TBL1X: variants seen among roughly 807,000 people sequenced by gnomAD.
The protein encoded by TBL1X is F-box-like/WD repeat-containing protein TBL1X.
TBL1X carries 10 observed loss-of-function variants against 50.7 expected under a neutral mutation model. The ratio of observed to expected loss-of-function variants is 0.20; its 90% confidence interval spans 0.12 to 0.33. The LOEUF is 0.33. Among genes scored for constraint, TBL1X ranks in the 10% least tolerant of loss-of-function variants. The probability of loss-of-function intolerance (pLI) is 1.00; values close to 1 mark genes in which losing one functional copy is unlikely to be tolerated. For synonymous variants in TBL1X, 190 were observed against 214.7 expected (o/e 0.88, Z 1.01); for missense variants, 340 against 504.4 (o/e 0.67, Z 3.12).
chrX:9,507,754 G>A (rs1249978828), intron 2 of TBL1X, among the ~76,000 whole-genome samples: 2 of 111,462 alleles, frequency 1.8e-5, no homozygotes, highest in Non-Finnish European at 3.8e-5. Context: ...ATATAGACCA[G>A]TGGACCAGAA....
intron 5 of TBL1X, among the ~76,000 whole-genome samples, chrX:9,655,805 G>T (rs1275122526): frequency 4.5e-5 from 5 of 111,994 alleles, no homozygotes; most frequent in African/African-American, 1.6e-4. Flanking sequence ...TAGACTGTAC[G>T]CATTGGAGCC....
intron 2 of TBL1X, among the ~76,000 whole-genome samples, chrX:9,572,316 T>G (rs1241647487): frequency 8.9e-6 from 1 of 112,544 alleles, no homozygotes. Context: ...GGCAGTGGGG[T>G]CTCTTCTGCT....
chrX:9,688,203 G>A lies in TBL1X; in HGVS notation c.544G>A (p.Val182Ile), dbSNP rs200562052. The A allele has an allele frequency of 2.6e-5, 31 of 1,198,124 alleles. No homozygotes were observed. Among genetic ancestry groups the A allele is most frequent in the African/African-American group, 8.8e-5 (5 of 57,003 alleles). ...AGCAGCCACCACGACCTCAGCCGGCGTTTCCCACCAAAATCCATCGAAGAA... is the reference window on the plus strand; with the variant it reads ...AGCAGCCACCACGACCTCAGCCGGCATTTCCCACCAAAATCCATCGAAGAA... ...ATAATTTSAGVSHQNPSKNRE... is the reference protein window; with the variant it reads ...ATAATTTSAGISHQNPSKNRE... Residue 182 changes from valine to isoleucine, a missense_variant, in exon 7 of 18, where the codon GTT (valine) becomes ATT (isoleucine). This residue lies in a region of TBL1X where 99 missense variants were observed against 93.3 expected (regional missense o/e 1.06). Transcript: ENST00000645353.
intron 2 of TBL1X, chrX:9,637,318 T>C (rs1365495397): frequency 1.8e-5 from 2 of 111,832 alleles, no homozygotes; most frequent in East Asian, 2.8e-4. Flanking sequence ...CCAATATCCA[T>C]GTGAAAAGGC....
chrX:9,555,976 C>T (rs920391300), intron 2 of TBL1X, among the ~76,000 whole-genome samples: 7 of 109,967 alleles, frequency 6.4e-5, no homozygotes, highest in African/African-American at 2.3e-4. Context: ...TCACTTGATC[C>T]CAGGAGTTTG....
intron 2 of TBL1X, among the ~76,000 whole-genome samples, chrX:9,581,367 G>T (rs1439803290): frequency 1.8e-5 from 2 of 111,810 alleles, no homozygotes; most frequent in South Asian, 3.8e-4. Context: ...ATGGTAGGGG[G>T]AAGAGTTCAC....
At chrX:9,714,208 T>C (rs1040191970) in intron 16 of TBL1X, among the ~76,000 whole-genome samples, 7 of 112,465 alleles carry the variant, frequency 6.2e-5, no homozygotes, top group African/African-American at 1.9e-4. Flanking sequence ...CTGTGGTGTT[T>C]TCCATTACAT....
At chrX:9,556,007 G>A (rs181046654) in intron 2 of TBL1X, among the ~76,000 whole-genome samples, 1 of 109,092 alleles carries the variant, frequency 9.2e-6, no homozygotes, top group East Asian at 2.9e-4. Context: ...GGGCAACATG[G>A]CAAAACCTCA....
intron 13 of TBL1X, among the ~76,000 whole-genome samples, chrX:9,707,205 G>A (rs751569235): frequency 1.8e-5 from 2 of 110,869 alleles, no homozygotes; most frequent in South Asian, 7.7e-4. Flanking sequence ...AAATTCCCTT[G>A]TCCTGATTCC....
intron 2 of TBL1X, among the ~76,000 whole-genome samples, chrX:9,581,128 G>C (rs1367202660): frequency 1.8e-5 from 2 of 111,899 alleles, no homozygotes; most frequent in Non-Finnish European, 3.8e-5. Flanking sequence ...TAGAGAAATG[G>C]TTGCAGCATC....
At chrX:9,716,188 C>G in intron 17 of TBL1X, 32 bp from the exon 18 acceptor site, 1 of 1,207,105 alleles carries the variant, frequency 8.3e-7, no homozygotes, top group East Asian at 3.0e-5. Flanking sequence ...TATTGTCTCT[C>G]AAGATGACAG....
intron 1 of TBL1X, among the ~76,000 whole-genome samples, chrX:9,485,968 T>A (rs1314432522): frequency 9.0e-6 from 1 of 110,962 alleles, no homozygotes; most frequent in Non-Finnish European, 1.9e-5. Flanking sequence ...CTGAAGGGAC[T>A]CCCTCCTCTA....
intron 5 of TBL1X, among the ~76,000 whole-genome samples, chrX:9,674,679 A>AACCCC (rs1569094481): frequency 1.9e-3 from 2 of 1,053 alleles, no homozygotes; most frequent in Admixed American, 0.011. Context: ...CTCCCGCCTC[A>AACCCC]GCCCCCCCCC....
At chrX:9,655,948 C>G (rs183637165) in intron 5 of TBL1X, among the ~76,000 whole-genome samples, 100 of 112,792 alleles carry the variant, frequency 8.9e-4, no homozygotes, top group African/African-American at 3.1e-3. Context: ...GCGTGCCTTC[C>G]CCATCCAAGC....
intron 2 of TBL1X, among the ~76,000 whole-genome samples, chrX:9,602,356 CTT>C (rs59487875): frequency 4.8e-5 from 5 of 103,159 alleles, no homozygotes. Context: ...TTCTTTCTTC[CTT>C]TTTTTTTTTG....
At chrX:9,537,523 TTCTC>T (rs760225487) in intron 2 of TBL1X, among the ~76,000 whole-genome samples, 4 of 111,934 alleles carry the variant, frequency 3.6e-5, no homozygotes, top group Non-Finnish European at 3.8e-5. Flanking sequence ...ACGTTCTACT[TTCTC>T]TCTCTATGAT....
intron 3 of TBL1X, among the ~76,000 whole-genome samples, chrX:9,642,916 C>A (rs2082783373): frequency 8.9e-6 from 1 of 112,429 alleles, no homozygotes; most frequent in African/African-American, 3.2e-5. Context: ...GTTTTCTTTC[C>A]ACCTTTTCTA....
chrX:9,694,235 GAA>G (rs142404060), intron 11 of TBL1X, among the ~76,000 whole-genome samples: 5,022 of 75,923 alleles, frequency 0.066, 314 homozygotes, highest in African/African-American at 0.21. Context: ...CTAGAATTGA[GAA>G]AAAAAAAAAA....
At position 9,482,636 on chromosome X, in the gene TBL1X, A is replaced by G. The variant is rs747794404; in HGVS notation, c.-201+17189A>G. Reference sequence around the variant, plus strand: ...GCTGCACGGTGGTGAGCTCACTCCTATTCCCCTGGGACCAACCCCTGCAAC... The same window carrying G: ...GCTGCACGGTGGTGAGCTCACTCCTGTTCCCCTGGGACCAACCCCTGCAAC... On this transcript the variant is annotated intron_variant, in intron 1 of 17. Coordinates refer to ENST00000645353, the MANE Select transcript of TBL1X (RefSeq NM_005647.4). 1.4e-3 allele frequency among the ~76,000 whole-genome samples: 161 copies of G among 111,247 alleles called. 1 individual carries two copies. The highest frequency in any genetic ancestry group is 4.9e-3 in the African/African-American group (151 of 30,590).
Sources: allele counts gnomAD v4.1 joint callset (sites outside exome capture counted in the v4.1 genomes callset), GRCh38; gene constraint gnomAD v4.1.1; regional missense constraint gnomAD v4.1.1; transcripts MANE v1.5; gene names NCBI Gene and HGNC (gene_info 2026-07-23, HGNC 2026-07-21).